Variants in CHST8 observed in about 807,000 individuals in gnomAD.
CHST8 encodes the protein GALNAC-4-ST1.
Under a neutral mutation model 15.0 loss-of-function variants are expected in CHST8, and 10 were observed. The ratio of observed to expected loss-of-function variants is 0.67; its 90% CI spans 0.41 to 1.13. The LOEUF (loss-of-function observed/expected upper bound fraction) is 1.13. Among genes scored for constraint, CHST8 ranks in the 50% most tolerant of loss-of-function variants. CHST8 has a pLI of 0.00. For missense variants in CHST8, 634 were observed against 608.2 expected (o/e 1.04, Z -0.45); for synonymous variants, 259 against 256.6 (o/e 1.01, Z -0.09).
intron 3 of CHST8, among the ~76,000 whole-genome samples, chr19:33,770,652 G>GA (rs1974959907): frequency 1.3e-5 from 2 of 152,344 alleles, no homozygotes; most frequent in South Asian, 4.1e-4. Flanking sequence ...TTGGTAGGCA[G>GA]AGGGGGCGTT....
At chr19:33,645,554 G>A (rs1568313083) in intron 1 of CHST8, among the ~76,000 whole-genome samples, 1 of 152,136 alleles carries the variant, frequency 6.6e-6, no homozygotes, top group Non-Finnish European at 1.5e-5. Flanking sequence ...CTTTTGGTCT[G>A]AGCGGCTAGA....
At chr19:33,746,825 CT>C (rs530404353) in intron 3 of CHST8, among the ~76,000 whole-genome samples, 3,360 of 147,348 alleles carry the variant, frequency 0.023, 58 homozygotes, top group Non-Finnish European at 0.028. Flanking sequence ...ACATTTTGTT[CT>C]TTTTTTTTTT....
In CHST8 at chr19:33,771,439, C is replaced by T. The variant is rs1269753258; in HGVS notation, c.157C>T (p.Gln53Ter). Residue 53 changes from glutamine to a stop codon, truncating the protein, a stop_gained, in exon 4 of 5, where the codon CAG becomes TAG. Transcript: ENST00000650847. LOFTEE classifies it low-confidence loss of function (END_TRUNC). Reference protein sequence around the residue: ...PGIKFNIRPRQPHHDLPPGGS... With the variant: ...PGIKFNIRPR The stretch of plus-strand genomic sequence containing the variant: ...AATAAAGTTCAACATCAGGCCAAGG[C>T]AGCCCCACCACGTAAGTTCTGAGAG... 2 of 1,614,120 alleles carry T rather than the reference C, an allele frequency of 1.2e-6. No individual in the cohort carries two copies. Among genetic ancestry groups the T allele is most frequent in the Non-Finnish European group, 1.7e-6 (2 of 1,179,996 alleles).
At chr19:33,757,335 A>G in intron 3 of CHST8, among the ~76,000 whole-genome samples, 1 of 149,058 alleles carries the variant, frequency 6.7e-6, no homozygotes, top group East Asian at 2.0e-4. Context: ...AGCCAAAACC[A>G]TGCCACTGCA....
intron 3 of CHST8, among the ~76,000 whole-genome samples, chr19:33,745,653 T>C (rs1376574127): frequency 2.0e-5 from 3 of 152,072 alleles, no homozygotes; most frequent in Admixed American, 1.3e-4. Flanking sequence ...GAAGCAGGAG[T>C]GAGGGCACCG....
At chr19:33,663,221 T>C (rs1373086946) in intron 1 of CHST8, among the ~76,000 whole-genome samples, 1 of 152,174 alleles carries the variant, frequency 6.6e-6, no homozygotes, top group Non-Finnish European at 1.5e-5. Context: ...TTCAGATGTT[T>C]GTGTGCATGG....
At chr19:33,745,504 A>G (rs1050871956) in intron 3 of CHST8, among the ~76,000 whole-genome samples, 38 of 152,138 alleles carry the variant, frequency 2.5e-4, no homozygotes, top group African/African-American at 9.2e-4. Flanking sequence ...CTAACATTTC[A>G]TCTTAGCATC....
rs1433523909 is a variant in CHST8, at chr19:33,680,981, C to G, written c.-86-8195C>G. ...CCATATATCCCTTACACACTTTCCC[C>G]AATTGTAACGGTTTGCAAAACCGTA... is the stretch of plus-strand genomic sequence containing the variant. On this transcript the variant is annotated intron_variant, in intron 2 of 4. Coordinates refer to ENST00000650847, the MANE Select transcript of CHST8 (RefSeq NM_001127895.2). 2.0e-5 allele frequency among the ~76,000 whole-genome samples: 3 copies of G among 152,192 alleles called. No individual in the cohort carries two copies. The East Asian group carries it at 5.8e-4, about 29-fold the overall frequency.
intron 3 of CHST8, among the ~76,000 whole-genome samples, chr19:33,761,014 G>A (rs923663152): frequency 1.3e-5 from 2 of 152,228 alleles, no homozygotes; most frequent in African/African-American, 4.8e-5. Flanking sequence ...CAGATGGCAG[G>A]ATCATTCCGC....
intron 1 of CHST8, among the ~76,000 whole-genome samples, chr19:33,641,713 A>G (rs1972286125): frequency 6.8e-6 from 1 of 147,656 alleles, no homozygotes; most frequent in Admixed American, 6.7e-5. Context: ...CCTCAGGGCA[A>G]AGGAGGGGTA....
chr19:33,766,574 G>T (rs534670366), intron 3 of CHST8, among the ~76,000 whole-genome samples: 80 of 152,342 alleles, frequency 5.3e-4, no homozygotes, highest in African/African-American at 9.6e-4. Flanking sequence ...AAGCAGCAGG[G>T]CAGAGGCCGG....
chr19:33,724,930 G>T (rs1363259848), intron 3 of CHST8, among the ~76,000 whole-genome samples: 1 of 152,238 alleles, frequency 6.6e-6, no homozygotes, highest in Non-Finnish European at 1.5e-5. Context: ...CTGCTCACCA[G>T]CAGATCCCTG....
At chr19:33,694,162 G>T (rs1372043398) in intron 3 of CHST8, among the ~76,000 whole-genome samples, 6 of 44,834 alleles carry the variant, frequency 1.3e-4, no homozygotes, top group East Asian at 7.8e-4. Flanking sequence ...TTCTATTGTA[G>T]TTTATTCATA....
At chr19:33,630,584 G>A (rs1972110038) in intron 1 of CHST8, among the ~76,000 whole-genome samples, 1 of 150,946 alleles carries the variant, frequency 6.6e-6, no homozygotes, top group South Asian at 2.1e-4. Flanking sequence ...GGCTGGGCCA[G>A]TGTGTGGTGC....
At chr19:33,758,044 C>G (rs460191) in intron 3 of CHST8, among the ~76,000 whole-genome samples, 1 of 151,244 alleles carries the variant, frequency 6.6e-6, no homozygotes. Flanking sequence ...GCCGGACTGA[C>G]GGCCAGAGCC....
intron 3 of CHST8, among the ~76,000 whole-genome samples, chr19:33,695,821 C>CTTTCTTTT (rs57718433): frequency 1.6e-4 from 12 of 76,232 alleles, no homozygotes; most frequent in South Asian, 4.8e-4. Context: ...TTCTTTCTTT[C>CTTTCTTTT]TTTTTTTTTT....
At chr19:33,687,855 T>C (rs939378985) in intron 2 of CHST8, among the ~76,000 whole-genome samples, 4 of 152,066 alleles carry the variant, frequency 2.6e-5, no homozygotes, top group African/African-American at 4.8e-5. Context: ...GTCACCCGGC[T>C]GAAGTATTGT....
rs1216672266 is a variant in CHST8, at chr19:33,689,310, A to G, written c.49A>G (p.Ile17Val). The change falls in exon 3 of 5, where the codon ATC becomes GTC. Residue 17 changes from isoleucine (I) to valine (V), a missense_variant. Transcript: ENST00000650847. ...TMRLACMFSS[I>V]LLFGAAGLLL... ...GCGGCTGGCCTGCATGTTCTCTTCC[A>G]TCCTGCTGTTCGGAGCTGCAGGCCT... The G allele has an allele frequency of 2.5e-6, 4 of 1,609,254 alleles. No homozygotes were observed. Among genetic ancestry groups the G allele is most frequent in the Non-Finnish European group, 3.4e-6 (4 of 1,178,424 alleles).
intron 3 of CHST8, among the ~76,000 whole-genome samples, chr19:33,747,170 G>A (rs1023001470): frequency 1.3e-5 from 2 of 152,162 alleles, no homozygotes. Context: ...CAGATTTGTG[G>A]GGTCACTTCT....
Sources: gnomAD v4.1 joint callset for allele counts (sites outside exome capture counted in the v4.1 genomes callset) on GRCh38, gnomAD v4.1.1 for gene constraint, MANE v1.5 for transcripts, NCBI Gene and HGNC (gene_info 2026-07-23, HGNC 2026-07-21) for gene names.